AP4B1: variants seen among roughly 807,000 people sequenced by gnomAD.
AP4B1 encodes adaptor related protein complex 4 subunit beta 1.
AP4B1 carries 49 observed loss-of-function variants against 76.5 expected under a neutral mutation model. That is an observed-to-expected ratio of 0.64 (90% CI 0.51 to 0.81). The LOEUF (loss-of-function observed/expected upper bound fraction) is 0.81, where lower values mean the gene tolerates loss of function less well. Among genes scored for constraint, AP4B1 ranks in the 40% least tolerant of loss-of-function variants. The pLI is 0.00. For missense variants in AP4B1, 911 were observed against 904.9 expected (o/e 1.01, Z -0.09); for synonymous variants, 330 against 333.3 (o/e 0.99, Z 0.11).
At chr1:113,901,103 G>T in intron 4 of AP4B1, 133 bp downstream of exon 4, 1 of 1,287,208 alleles carries the variant, frequency 7.8e-7, no homozygotes, top group Non-Finnish European at 1.1e-6. Flanking sequence ...GCAAAACTCC[G>T]TCTCAAATAA....
chr1:113,899,884 G>A lies in AP4B1; in HGVS notation c.1114+20C>T, dbSNP rs762588704. The A allele has an allele frequency of 6.2e-7, 1 of 1,614,118 alleles. No individual in the cohort carries two copies. On this transcript the variant is annotated intron_variant, in intron 5 of 9. Coordinates refer to ENST00000369569, the MANE Select transcript of AP4B1 (RefSeq NM_001253852.3). Reference sequence around the variant, plus strand: ...CTGGCTGGTCTAGGTTCTCAAGAAGGAAAAGGAGCAGACACCTACCTATGG... The same window carrying A: ...CTGGCTGGTCTAGGTTCTCAAGAAGAAAAAGGAGCAGACACCTACCTATGG...
upstream of AP4B1, chr1:113,904,907 A>G: frequency 1.7e-6 from 1 of 603,510 alleles, no homozygotes; most frequent in Non-Finnish European, 3.0e-6. Flanking sequence ...CCTCCGCGAC[A>G]CCGCGAGCCC....
intron 2 of AP4B1, 163 bp from the exon 3 acceptor site, chr1:113,902,048 CTGTT>C: frequency 1.1e-6 from 1 of 924,116 alleles, no homozygotes. Context: ...TTTGACTTTT[CTGTT>C]TTTTTCTTGT....
intron 7 of AP4B1, 30 bp from the exon 8 acceptor site, chr1:113,896,495 T>C: frequency 6.2e-7 from 1 of 1,607,684 alleles, no homozygotes; most frequent in African/African-American, 1.3e-5. Flanking sequence ...GAGCAAGTGC[T>C]CAACACTTGA....
At position 113,896,168 on chromosome 1, in the gene AP4B1, G is replaced by C. The variant is rs1305638503; in HGVS notation, c.1510+90C>G. 1.9e-6 allele frequency: 3 copies of C among 1,591,906 alleles called. No homozygotes were observed. In the African/African-American group the frequency reaches 4.0e-5, roughly 21 times the overall value. ...AGGAAGCATTCACATTTTCTTCTCGGGTCCCAGACGTGACTCACCAAACAA... is the reference window on the plus strand; with the variant it reads ...AGGAAGCATTCACATTTTCTTCTCGCGTCCCAGACGTGACTCACCAAACAA... On this transcript the variant is annotated intron_variant, in intron 8 of 9. Coordinates refer to ENST00000369569, the MANE Select transcript of AP4B1 (RefSeq NM_001253852.3).
rs1668449174 is a variant in AP4B1 at position 113,902,790 on chromosome 1, A to G, written c.186T>C (p.Ile62=). The change falls in exon 2 of 10, where the codon ATT becomes ATC. Residue 62 remains isoleucine, a synonymous_variant. Coordinates refer to ENST00000369569, the MANE Select transcript of AP4B1 (RefSeq NM_001253852.3). ...EMVKASATVD[I]VQKKLVYLYM... is the part of the protein sequence containing the mutation. ...ACAGATAAACCAACTTCTTCTGGAC[A>G]ATATCTACAGTGGCACTGGCCTTCA... is the stretch of plus-strand genomic sequence containing the variant. 6.2e-7 allele frequency: 1 copy of G among 1,614,234 alleles called. No individual in the cohort carries two copies. Among genetic ancestry groups the G allele is most frequent in the Non-Finnish European group, 8.5e-7 (1 of 1,180,036 alleles).
intron 1 of AP4B1, among the ~76,000 whole-genome samples, 198 bp downstream of exon 1, chr1:113,904,407 T>C (rs970893060): frequency 6.6e-6 from 1 of 152,208 alleles, no homozygotes; most frequent in Non-Finnish European, 1.5e-5. Flanking sequence ...GCCCGTGATA[T>C]GGAGGAAACT....
rs974176974 is a variant in AP4B1 at position 113,896,167 on chromosome 1, G to A, written c.1510+91C>T. On this transcript the variant is annotated intron_variant, in intron 8 of 9. Coordinates refer to ENST00000369569, the MANE Select transcript of AP4B1 (RefSeq NM_001253852.3). ...TAGGAAGCATTCACATTTTCTTCTC[G>A]GGTCCCAGACGTGACTCACCAAACA... is the stretch of plus-strand genomic sequence containing the variant. 38 of 1,592,478 alleles carry A rather than the reference G, an allele frequency of 2.4e-5. 1 individual carries two copies. The Admixed American group carries it at 3.5e-4, about 15-fold the overall frequency.
At chr1:113,899,104 A>G (rs561725704) in intron 5 of AP4B1, 2 of 1,202,752 alleles carry the variant, frequency 1.7e-6, no homozygotes, top group South Asian at 2.0e-5. Flanking sequence ...GATATGAGGT[A>G]CCCTTTTTGT....
At position 113,904,713 on chromosome 1, in the gene AP4B1, G is replaced by A. The variant is rs1668754518; in HGVS notation, c.5C>T (p.Pro2Leu). Reference sequence around the variant, plus strand: ...CACCACGTCCTCGGAGCCAAGGTACGGCATCTTCCTAAGAGTCACAGGGCA... The same window carrying A: ...CACCACGTCCTCGGAGCCAAGGTACAGCATCTTCCTAAGAGTCACAGGGCA... M[P>L]YLGSEDVVKE... Residue 2 changes from proline (P) to leucine (L), a missense_variant, in exon 1 of 10, where the codon CCG (proline) becomes CTG (leucine). Transcript: ENST00000369569. 2 of 1,612,032 alleles carry A rather than the reference G, an allele frequency of 1.2e-6. No individual in the cohort carries two copies. The highest frequency in any genetic ancestry group is 1.3e-5 in the African/African-American group (1 of 74,858).
chr1:113,900,287 A>G lies in AP4B1; in HGVS notation c.731T>C (p.Leu244Pro). ...FDILNLLDSF[L>P]KSSSPGVVMG... ...CACCACACCTGGGCTACTGCTCTTG[A>G]GGAAACTATCCAACAGATTGAGAAT... The change falls in exon 5 of 10, where the codon CTC becomes CCC. Residue 244 changes from leucine to proline, a missense_variant. Physicochemically the swap from Leu to Pro is moderately conservative, Grantham distance 98. Coordinates refer to ENST00000369569, the MANE Select transcript of AP4B1 (RefSeq NM_001253852.3). 6.2e-7 allele frequency: 1 copy of G among 1,604,250 alleles called. No homozygotes were observed. Among genetic ancestry groups the G allele is most frequent in the Non-Finnish European group, 8.5e-7 (1 of 1,174,656 alleles).
intron 1 of AP4B1, 59 bp from the exon 2 acceptor site, chr1:113,902,921 G>A: frequency 2.6e-6 from 4 of 1,511,260 alleles, no homozygotes; most frequent in East Asian, 2.3e-5. Flanking sequence ...TACAATGGAG[G>A]GAGTTTTACT....
Position 113,897,847 on chromosome 1 carries a change from T to A in AP4B1, c.1295A>T (p.Asp432Val). 1 of 1,614,106 alleles carries A rather than the reference T, an allele frequency of 6.2e-7. No homozygotes were observed. Among genetic ancestry groups the A allele is most frequent in the Non-Finnish European group, 8.5e-7 (1 of 1,179,998 alleles). Reference protein sequence around the residue: ...ALPGCEENIQDSEGKQALIWL... With the variant: ...ALPGCEENIQVSEGKQALIWL... ...AGGAGAATTACAGTCTACCTCACTA[T>A]CTTGAATGTTCTCTTCACAGCCGGG... The change falls in exon 7 of 10, where the codon GAT becomes GTT. Residue 432 changes from aspartate (D) to valine (V), a missense_variant. Coordinates refer to ENST00000369569, the MANE Select transcript of AP4B1 (RefSeq NM_001253852.3).
Position 113,895,040 on chromosome 1 carries a change from A to T in AP4B1, c.*25T>A, listed in dbSNP as rs1667291899. ...AGAAAGTGTAATAGTTATTCATCTT[A>T]CTCTAGACAAGCAACAAGACTCTGT... On this transcript the variant is annotated 3_prime_UTR_variant, in exon 10 of 10. Transcript: ENST00000369569. The T allele has an allele frequency of 1.1e-5, 18 of 1,605,570 alleles. No homozygotes were observed. Among genetic ancestry groups the T allele is most frequent in the Admixed American group, 1.7e-5 (1 of 59,174 alleles).
At chr1:113,904,807 A>G (rs1668766546), upstream of AP4B1, 1 of 1,107,312 alleles carries the variant, frequency 9.0e-7, no homozygotes, top group Non-Finnish European at 1.4e-6. Flanking sequence ...AGTAAAGGAA[A>G]TATGAGTCAG....
intron 5 of AP4B1, 55 bp downstream of exon 5, chr1:113,899,849 A>C: frequency 6.2e-7 from 1 of 1,613,894 alleles, no homozygotes; most frequent in Non-Finnish European, 8.5e-7. Context: ...CTCTAACCAC[A>C]GTTTTCTTGC....
At position 113,901,885 on chromosome 1, in the gene AP4B1, C is replaced by T. The variant is rs1443976908; in HGVS notation, c.339G>A (p.Arg113=). 3 of 1,613,928 alleles carry T rather than the reference C, an allele frequency of 1.9e-6. No individual in the cohort carries two copies. The highest frequency in any genetic ancestry group is 1.6e-4 in the Middle Eastern group (1 of 6,084). Residue 113 remains arginine, a splice_region_variant and synonymous_variant, in exon 3 of 10, where the codon AGG becomes AGA. Transcript: ENST00000369569. The stretch of plus-strand genomic sequence containing the variant: ...GTATATACTCCTGCACACCAGGCAT[C>T]CTAAGCAACACATCCTGGAGTTAGC... ...GLALRSMCSL[R]MPGVQEYIQQ...
In AP4B1 at chr1:113,902,682, A is replaced by G; in HGVS notation, c.294T>C (p.Asn98=). The change falls in exon 2 of 10, where the codon AAT becomes AAC. Residue 98 remains asparagine, a synonymous_variant. Coordinates refer to ENST00000369569, the MANE Select transcript of AP4B1 (RefSeq NM_001253852.3). ...GTAACGCCAGCCCTCGCACCATTGG[A>G]TTGGGGTCTGAGCAGTCTTTGCACA... ...NTLCKDCSDP[N]PMVRGLALRS... 1 of 1,613,902 alleles carries G rather than the reference A, an allele frequency of 6.2e-7. No individual in the cohort carries two copies. Among genetic ancestry groups the G allele is most frequent in the Non-Finnish European group, 8.5e-7 (1 of 1,180,044 alleles).
chr1:113,902,774 C>T lies in AP4B1; in HGVS notation c.202G>A (p.Val68Ile), dbSNP rs751780972. ...GCATATGTGCACATGTACAGATAAA[C>T]CAACTTCTTCTGGACAATATCTACA... ...ATVDIVQKKLVYLYMCTYAPL... is the reference protein window; with the variant it reads ...ATVDIVQKKLIYLYMCTYAPL... Residue 68 changes from valine (V) to isoleucine (I), a missense_variant, in exon 2 of 10, where the codon GTT (valine) becomes ATT (isoleucine). Transcript: ENST00000369569. 3.7e-6 allele frequency: 6 copies of T among 1,614,094 alleles called. No individual in the cohort carries two copies. The South Asian group carries it at 4.4e-5, about 12-fold the overall frequency.
Sources: allele counts gnomAD v4.1 joint callset (sites outside exome capture counted in the v4.1 genomes callset), GRCh38; gene constraint gnomAD v4.1.1; transcripts MANE v1.5; gene names NCBI Gene and HGNC (gene_info 2026-07-23, HGNC 2026-07-21).